The following OTUD7B variants were observed in gnomAD, a reference collection of about 807,000 sequenced individuals.
OTUD7B encodes the protein OTU deubiquitinase 7B.
Under a neutral mutation model 82.2 loss-of-function variants are expected in OTUD7B, and 34 were observed. That is an observed-to-expected ratio of 0.41 (90% CI 0.31 to 0.55). The LOEUF (loss-of-function observed/expected upper bound fraction) is 0.55. OTUD7B is among the 20% of genes least tolerant of loss of function. The pLI is 0.20. For missense variants in OTUD7B, 944 were observed against 1,062.1 expected, an observed-to-expected ratio of 0.89 and a Z score of 1.55; for synonymous variants, 398 against 402.7, an observed-to-expected ratio of 0.99 and a Z score of 0.14.
intron 1 of OTUD7B, among the ~76,000 whole-genome samples, chr1:149,990,641 A>T (rs1380655739): frequency 1.3e-5 from 2 of 152,222 alleles, no homozygotes; most frequent in Non-Finnish European, 2.9e-5. Flanking sequence ...TTCAAATTAA[A>T]TACTTTTTGA....
the OTUD7B span, among the ~76,000 whole-genome samples, chr1:150,020,030 A>C: frequency 2.0e-5 from 3 of 152,216 alleles, no homozygotes; most frequent in African/African-American, 7.2e-5. Context: ...CAGGAGGCTG[A>C]GGAGAGAGGA....
intron 1 of OTUD7B, among the ~76,000 whole-genome samples, chr1:149,990,201 C>G (rs1190931510): frequency 1.3e-5 from 2 of 152,204 alleles, no homozygotes; most frequent in African/African-American, 4.8e-5. Flanking sequence ...CCAGTTTACC[C>G]AGGTGGGTTA....
chr1:149,949,448 C>T (rs958930613), intron 9 of OTUD7B, among the ~76,000 whole-genome samples, 181 bp downstream of exon 9: 1 of 107,364 alleles, frequency 9.3e-6, no homozygotes, highest in Non-Finnish European at 1.8e-5. Flanking sequence ...ATAGGTCTTG[C>T]TTTTCTCCCA....
rs2092741537 is a variant in OTUD7B at position 149,938,552 on chromosome 1, A to G, written c.*5305T>C. ...ACTTTCCTTCTCACCACCATCCTTC[A>G]TTCAAGAGCCTCATTCTATTCTTTA... On this transcript the variant is annotated 3_prime_UTR_variant, in exon 12 of 12. Coordinates refer to ENST00000581312, the MANE Select transcript of OTUD7B (RefSeq NM_020205.4). 1 of 147,644 alleles carries G rather than the reference A, an allele frequency of 6.8e-6. No homozygotes were observed. The highest frequency in any genetic ancestry group is 1.5e-5 in the Non-Finnish European group (1 of 67,546). 9.1% of individuals were successfully genotyped at this position (147,644 alleles called of 1,614,324 possible).
chr1:150,061,624 C>T, the OTUD7B span, among the ~76,000 whole-genome samples: 1 of 152,160 alleles, frequency 6.6e-6, no homozygotes, highest in Non-Finnish European at 1.5e-5. Context: ...AAAAAGGAGG[C>T]TGTTCATAGC....
chr1:149,977,874 G>C (rs1292325175), intron 1 of OTUD7B, among the ~76,000 whole-genome samples: 1 of 152,154 alleles, frequency 6.6e-6, no homozygotes, highest in Non-Finnish European at 1.5e-5. Flanking sequence ...ACTAAAGAAG[G>C]AAGCAACAGG....
chr1:150,000,095 A>G (rs1652176385), intron 1 of OTUD7B, among the ~76,000 whole-genome samples: 2 of 152,198 alleles, frequency 1.3e-5, no homozygotes, highest in South Asian at 4.1e-4. Flanking sequence ...TGGAGAAAAA[A>G]GAAAATCAGG....
At chr1:150,002,278 G>A (rs1212748491) in intron 1 of OTUD7B, among the ~76,000 whole-genome samples, 12 of 151,430 alleles carry the variant, frequency 7.9e-5, no homozygotes, top group African/African-American at 2.9e-4. Context: ...AAGTTTCAGT[G>A]GCACAAATAA....
At position 149,944,019 on chromosome 1, in the gene OTUD7B, T is replaced by G; in HGVS notation, c.2370A>C (p.Gly790=). Residue 790 remains glycine (G), a synonymous_variant, in exon 12 of 12, where the codon GGA becomes GGC. Coordinates refer to ENST00000581312, the MANE Select transcript of OTUD7B (RefSeq NM_020205.4). ...GAGTTGGGGGAAGGCCCCGGAGACC[T>G]CCAGCCCATCCATCTGGCTCAGGGG... is the stretch of plus-strand genomic sequence containing the variant. ...REPPEPDGWA[G]GLRGLPPTQT... 1 of 1,614,210 alleles carries G rather than the reference T, an allele frequency of 6.2e-7. No individual in the cohort carries two copies.
At chr1:150,045,473 C>T in the OTUD7B span, among the ~76,000 whole-genome samples, 3 of 152,016 alleles carry the variant, frequency 2.0e-5, no homozygotes, top group African/African-American at 7.2e-5. Context: ...TGATCTACAC[C>T]CCCTTTAATT....
chr1:149,970,992 C>G (rs1649883678), intron 3 of OTUD7B, 71 bp downstream of exon 3: 3 of 1,341,192 alleles, frequency 2.2e-6, no homozygotes, highest in Non-Finnish European at 3.1e-6. Context: ...GATCACTAGA[C>G]TTTATGACTC....
intron 7 of OTUD7B, among the ~76,000 whole-genome samples, chr1:149,952,132 G>A (rs747947937): frequency 1.6e-4 from 25 of 151,886 alleles, no homozygotes; most frequent in Non-Finnish European, 3.1e-4. Flanking sequence ...CATATGCCAC[G>A]TTGGTGTGCT....
chr1:149,993,226 G>T (rs11205310), intron 1 of OTUD7B, among the ~76,000 whole-genome samples: 21,788 of 152,174 alleles, frequency 0.14, 2,065 homozygotes, highest in East Asian at 0.33. Flanking sequence ...TATTTGTAGG[G>T]AGGCAATATT....
chr1:149,951,615 A>C (rs1414303433), intron 7 of OTUD7B, among the ~76,000 whole-genome samples: 1 of 152,098 alleles, frequency 6.6e-6, no homozygotes, highest in African/African-American at 2.4e-5. Context: ...CCCCTAAAGC[A>C]ATTTTATTCA....
At chr1:149,983,864 G>A (rs988724571) in intron 1 of OTUD7B, among the ~76,000 whole-genome samples, 2 of 152,144 alleles carry the variant, frequency 1.3e-5, no homozygotes, top group Admixed American at 6.5e-5. Flanking sequence ...GCAAAATAGC[G>A]CTAAACCAGG....
chr1:150,024,738 C>G, the OTUD7B span, among the ~76,000 whole-genome samples: 2 of 152,180 alleles, frequency 1.3e-5, no homozygotes, highest in Non-Finnish European at 2.9e-5. Flanking sequence ...TAAAAGTCTT[C>G]AGTGAAGTTT....
At chr1:150,055,126 C>A in the OTUD7B span, 1 of 153,620 alleles carries the variant, frequency 6.5e-6, no homozygotes, top group Admixed American at 6.5e-5. Context: ...CAAGCTCCGC[C>A]CCTCAGGTTC....
the OTUD7B span, among the ~76,000 whole-genome samples, chr1:150,030,407 G>T: frequency 6.6e-6 from 1 of 151,958 alleles, no homozygotes; most frequent in East Asian, 1.9e-4. Flanking sequence ...TGCCCCTTCT[G>T]TTCAAGGTTA....
intron 1 of OTUD7B, among the ~76,000 whole-genome samples, chr1:149,999,394 T>C (rs910587352): frequency 2.6e-5 from 4 of 152,150 alleles, no homozygotes; most frequent in Non-Finnish European, 4.4e-5. Flanking sequence ...TCTATTCATG[T>C]CAGTAAACAA....
Sources: gnomAD v4.1 joint callset for allele counts (sites outside exome capture counted in the v4.1 genomes callset) on GRCh38, gnomAD v4.1.1 for gene constraint, MANE v1.5 for transcripts, NCBI Gene and HGNC (gene_info 2026-07-23, HGNC 2026-07-21) for gene names.